Variants in DOCK7 observed in about 807,000 individuals in gnomAD.
The protein encoded by DOCK7 is dedicator of cytokinesis 7.
Under a neutral mutation model 271.0 loss-of-function variants are expected in DOCK7, and 138 were observed. That is an observed-to-expected ratio of 0.51 (90% CI 0.44 to 0.59). The LOEUF (loss-of-function observed/expected upper bound fraction) is 0.59, where lower values mean the gene tolerates loss of function less well. DOCK7 is among the 20% of genes least tolerant of loss of function. The pLI is 0.00. For synonymous variants in DOCK7, 823 were observed against 876.1 expected (o/e 0.94, Z 1.07); for missense variants, 2,066 against 2,592.4 (o/e 0.80, Z 4.41).
intron 37 of DOCK7, 52 bp from the exon 38 acceptor site, chr1:62,496,549 A>C: frequency 6.6e-7 from 1 of 1,506,860 alleles, no homozygotes; most frequent in Non-Finnish European, 8.9e-7. Flanking sequence ...AGCTTTAAAA[A>C]GTCTGCTATT....
At chr1:62,602,381 G>A in intron 14 of DOCK7, 2 of 1,608,510 alleles carry the variant, frequency 1.2e-6, no homozygotes, top group Non-Finnish European at 1.7e-6. Flanking sequence ...AGGCTTGATG[G>A]TAAGGGGACT....
chr1:62,652,286 A>G (rs908095371), intron 4 of DOCK7, among the ~76,000 whole-genome samples: 3 of 151,998 alleles, frequency 2.0e-5, no homozygotes, highest in African/African-American at 7.3e-5. Flanking sequence ...TTACATTCCA[A>G]TCACACCTAT....
chr1:62,554,640 T>A (rs895285025), intron 21 of DOCK7, among the ~76,000 whole-genome samples: 1 of 152,184 alleles, frequency 6.6e-6, no homozygotes, highest in African/African-American at 2.4e-5. Flanking sequence ...CAAATGATAT[T>A]AATACATACC....
intron 18 of DOCK7, among the ~76,000 whole-genome samples, chr1:62,567,698 AAAAT>A (rs1646568366): frequency 6.6e-6 from 1 of 152,142 alleles, no homozygotes; most frequent in Non-Finnish European, 1.5e-5. Context: ...AAGTATCATA[AAAAT>A]AAATAAATAA....
chr1:62,530,260 T>C (rs1179341132), intron 29 of DOCK7, among the ~76,000 whole-genome samples: 1 of 152,218 alleles, frequency 6.6e-6, no homozygotes, highest in Non-Finnish European at 1.5e-5. Context: ...GAATTTGCTC[T>C]GGCCAGGTCT....
At chr1:62,499,830 T>C (rs1646728110) in intron 37 of DOCK7, among the ~76,000 whole-genome samples, 1 of 151,850 alleles carries the variant, frequency 6.6e-6, no homozygotes, top group East Asian at 1.9e-4. Flanking sequence ...CAATGAGCTA[T>C]GACTGCACCA....
At chr1:62,588,811 C>A (rs547670962) in intron 14 of DOCK7, among the ~76,000 whole-genome samples, 3 of 148,054 alleles carry the variant, frequency 2.0e-5, no homozygotes, top group Non-Finnish European at 2.9e-5. Flanking sequence ...TACGATCATA[C>A]CTCACTGCAG....
intron 14 of DOCK7, chr1:62,598,022 A>G (rs1649540559): frequency 1.9e-6 from 3 of 1,578,680 alleles, no homozygotes; most frequent in Non-Finnish European, 2.6e-6. Flanking sequence ...TTCAAAATCA[A>G]CCTGAAACTC....
chr1:62,586,045 A>T (rs912092828), intron 15 of DOCK7, among the ~76,000 whole-genome samples: 3 of 152,134 alleles, frequency 2.0e-5, no homozygotes, highest in African/African-American at 7.2e-5. Context: ...ACATATTAAA[A>T]TCACCCACGG....
At chr1:62,492,526 A>T in intron 41 of DOCK7, 178 bp downstream of exon 41, 1 of 640,336 alleles carries the variant, frequency 1.6e-6, no homozygotes. Flanking sequence ...GGATTCAAGC[A>T]ATCCTCCCGT....
At chr1:62,596,816 A>G (rs1409180898) in intron 14 of DOCK7, among the ~76,000 whole-genome samples, 1 of 152,170 alleles carries the variant, frequency 6.6e-6, no homozygotes, top group East Asian at 1.9e-4. Context: ...TTGTTCCTTC[A>G]ACGAGCACAT....
intron 34 of DOCK7, among the ~76,000 whole-genome samples, 196 bp from the exon 35 acceptor site, chr1:62,508,254 T>C (rs1385897268): frequency 1.3e-5 from 2 of 152,082 alleles, no homozygotes; most frequent in Non-Finnish European, 2.9e-5. Context: ...CAATACACAC[T>C]TTCTCACCCC....
At chr1:62,517,208 T>C (rs997171247) in intron 31 of DOCK7, among the ~76,000 whole-genome samples, 3 of 152,236 alleles carry the variant, frequency 2.0e-5, no homozygotes, top group Non-Finnish European at 2.9e-5. Flanking sequence ...TCAAACCTTA[T>C]GCCTTTTATT....
intron 14 of DOCK7, chr1:62,604,977 A>G: frequency 1.5e-6 from 1 of 680,366 alleles, no homozygotes. Context: ...CAATCACATA[A>G]CCTTAAAGAA....
intron 43 of DOCK7, chr1:62,487,038 A>G (rs1052428575): frequency 7.1e-5 from 12 of 169,710 alleles, no homozygotes; most frequent in African/African-American, 2.9e-4. Flanking sequence ...GCAATAACAC[A>G]TAAATCGACC....
chr1:62,511,932 T>C, intron 33 of DOCK7, among the ~76,000 whole-genome samples: 1 of 152,124 alleles, frequency 6.6e-6, no homozygotes. Context: ...ATGTCTATTA[T>C]TGACCTAGCT....
At chr1:62,566,754 C>A (rs1156569584) in intron 18 of DOCK7, among the ~76,000 whole-genome samples, 1 of 152,104 alleles carries the variant, frequency 6.6e-6, no homozygotes, top group East Asian at 1.9e-4. Flanking sequence ...TCAGAGTGAA[C>A]AAGCAACCTA....
intron 31 of DOCK7, among the ~76,000 whole-genome samples, chr1:62,523,840 C>G (rs1644921416): frequency 6.6e-6 from 1 of 151,976 alleles, no homozygotes; most frequent in Non-Finnish European, 1.5e-5. Context: ...GCACTCCAGC[C>G]TGGGTGACAG....
chr1:62,680,566 C>T (rs1269805639), intron 1 of DOCK7, among the ~76,000 whole-genome samples: 2 of 151,770 alleles, frequency 1.3e-5, no homozygotes, highest in East Asian at 3.9e-4. Flanking sequence ...AGAGCTTCTG[C>T]ACAGCAAAAG....
Sources: allele counts gnomAD v4.1 joint callset (sites outside exome capture counted in the v4.1 genomes callset), GRCh38; gene constraint gnomAD v4.1.1; transcripts MANE v1.5; gene names NCBI Gene and HGNC (gene_info 2026-07-23, HGNC 2026-07-21).